Variants in DISC1 observed in about 807,000 individuals in gnomAD.
DISC1 encodes the protein DISC1 scaffold protein.
DISC1 carries 57 observed loss-of-function variants against 84.5 expected under a neutral mutation model. The observed-to-expected ratio is 0.67, with a 90% CI of 0.55 to 0.84. DISC1 has a LOEUF of 0.84. Among genes scored for constraint, DISC1 ranks in the 40% least tolerant of loss-of-function variants. The pLI, the probability that DISC1 is intolerant of heterozygous loss-of-function variation, is 0.00. For missense variants in DISC1, 1,000 were observed against 1,057.8 expected (o/e 0.95, Z 0.76); for synonymous variants, 411 against 415.2 (o/e 0.99, Z 0.12).
At chr1:231,722,862 CT>C in intron 3 of DISC1, 2 of 1,400,950 alleles carry the variant, frequency 1.4e-6, no homozygotes, top group Non-Finnish European at 1.9e-6. Context: ...TCCCAGTCCC[CT>C]GTCATGGCAT....
At chr1:231,986,134 AG>A (rs780174934) in intron 10 of DISC1, among the ~76,000 whole-genome samples, 5 of 152,194 alleles carry the variant, frequency 3.3e-5, no homozygotes, top group Non-Finnish European at 7.3e-5. Flanking sequence ...ATGCATAAAA[AG>A]TGCCTCGTAC....
chr1:231,919,539 G>C (rs148151861), intron 9 of DISC1, among the ~76,000 whole-genome samples: 6 of 152,358 alleles, frequency 3.9e-5, no homozygotes, highest in African/African-American at 1.4e-4. Flanking sequence ...GAACTTTGCT[G>C]TGGGGATTTG....
At chr1:232,000,124 C>T (rs1054360068) in intron 10 of DISC1, among the ~76,000 whole-genome samples, 9 of 151,980 alleles carry the variant, frequency 5.9e-5, no homozygotes, top group South Asian at 2.1e-4. Context: ...GAGAATCAAC[C>T]GATACCAGCG....
At chr1:231,702,805 T>C (rs537694649) in intron 3 of DISC1, 7 of 159,824 alleles carry the variant, frequency 4.4e-5, no homozygotes, top group African/African-American at 1.7e-4. Flanking sequence ...AAACTTTAGA[T>C]GCTCATTGCA....
chr1:231,896,704 A>G (rs1230915980), intron 9 of DISC1, among the ~76,000 whole-genome samples: 2 of 152,200 alleles, frequency 1.3e-5, no homozygotes, highest in African/African-American at 4.8e-5. Flanking sequence ...ATGTTTTCTT[A>G]GACTGTCTGA....
chr1:231,799,827 T>A (rs908540394), intron 7 of DISC1, among the ~76,000 whole-genome samples: 6 of 128,706 alleles, frequency 4.7e-5, no homozygotes, highest in Admixed American at 4.0e-4. Flanking sequence ...TACATTTCCC[T>A]CCCTCTTTCC....
chr1:231,804,123 G>A (rs535118443), intron 8 of DISC1, among the ~76,000 whole-genome samples: 4 of 152,064 alleles, frequency 2.6e-5, no homozygotes, highest in Non-Finnish European at 5.9e-5. Context: ...TAAAGAATTT[G>A]GTGGGCATAT....
At chr1:231,657,424 G>A (rs1029138901) in intron 1 of DISC1, among the ~76,000 whole-genome samples, 4 of 152,006 alleles carry the variant, frequency 2.6e-5, no homozygotes, top group Non-Finnish European at 5.9e-5. Flanking sequence ...CTGGATGTAT[G>A]TCTTCTTTTG....
intron 3 of DISC1, among the ~76,000 whole-genome samples, chr1:231,710,266 T>C (rs978858744): frequency 3.3e-5 from 5 of 152,100 alleles, no homozygotes; most frequent in Admixed American, 1.3e-4. Flanking sequence ...TGTTTTAGCT[T>C]GGGAGGCCGA....
At chr1:231,747,369 T>A (rs1186706823) in intron 3 of DISC1, among the ~76,000 whole-genome samples, 2 of 152,222 alleles carry the variant, frequency 1.3e-5, no homozygotes, top group African/African-American at 2.4e-5. Context: ...TGTTTTCTTC[T>A]CATAATTTTA....
chr1:231,827,731 G>A (rs2081960458), intron 9 of DISC1, among the ~76,000 whole-genome samples: 1 of 152,158 alleles, frequency 6.6e-6, no homozygotes, highest in African/African-American at 2.4e-5. Flanking sequence ...TTATGTTTTG[G>A]ACTTGGGGAT....
intron 6 of DISC1, among the ~76,000 whole-genome samples, chr1:231,781,174 A>AG (rs1268370550): frequency 2.2e-5 from 3 of 133,392 alleles, no homozygotes; most frequent in East Asian, 4.2e-4. Context: ...AAAAAAAAAA[A>AG]AAGAAATGCA....
At chr1:231,784,705 T>G (rs774571764) in intron 6 of DISC1, among the ~76,000 whole-genome samples, 3 of 152,186 alleles carry the variant, frequency 2.0e-5, no homozygotes, top group Non-Finnish European at 4.4e-5. Context: ...AGCTAGTTGG[T>G]GAGCACGAAG....
chr1:231,656,443 T>C (rs1276916667), intron 1 of DISC1, among the ~76,000 whole-genome samples: 1 of 152,238 alleles, frequency 6.6e-6, no homozygotes, highest in East Asian at 1.9e-4. Flanking sequence ...TATTTGTCTA[T>C]GTATCTACTT....
At chr1:231,697,233 G>T (rs199541407) in intron 2 of DISC1, among the ~76,000 whole-genome samples, 24 of 152,192 alleles carry the variant, frequency 1.6e-4, no homozygotes, top group Non-Finnish European at 3.2e-4. Flanking sequence ...GTGTTTGGGG[G>T]CCTTATTGAT....
chr1:231,824,897 TCCATCCATCCATCCAC>T (rs1015900798), intron 9 of DISC1, among the ~76,000 whole-genome samples: 4 of 144,080 alleles, frequency 2.8e-5, no homozygotes, highest in Admixed American at 6.7e-5. Context: ...CATCCATCCA[TCCATCCATCCATCCAC>T]CCATCCATCC....
chr1:232,035,192 G>T (rs531926380), intron 12 of DISC1, among the ~76,000 whole-genome samples: 1 of 152,192 alleles, frequency 6.6e-6, no homozygotes, highest in Non-Finnish European at 1.5e-5. Context: ...GCTCATGCCT[G>T]TAATCCCAGC....
At position 231,626,895 on chromosome 1, in the gene DISC1, C is replaced by G; in HGVS notation, c.28C>G (p.Pro10Ala). 1 of 1,500,930 alleles carries G rather than the reference C, an allele frequency of 6.7e-7. No homozygotes were observed. The highest frequency in any genetic ancestry group is 2.2e-5 in the Admixed American group (1 of 45,140). 93.0% of individuals were successfully genotyped at this position (1,500,930 alleles called of 1,614,324 possible). A position where few individuals can be genotyped will look rare whatever the true frequency, so the allele number is the denominator to read the frequency against. ...GCCAGGCGGGGGTCCTCAGGGCGCCCCAGCCGCCGCCGGCGGCGGCGGCGT... is the reference window on the plus strand; with the variant it reads ...GCCAGGCGGGGGTCCTCAGGGCGCCGCAGCCGCCGCCGGCGGCGGCGGCGT... Reference protein sequence around the residue: MPGGGPQGAPAAAGGGGVSH... With the variant: MPGGGPQGAAAAAGGGGVSH... Residue 10 changes from proline to alanine, a missense_variant, in exon 1 of 13, where the codon CCA becomes GCA. Around this residue, in one of 3 missense-constraint regions of DISC1, gnomAD observed 292 missense variants for 280.2 expected, o/e 1.04. Coordinates refer to ENST00000439617, the MANE Select transcript of DISC1 (RefSeq NM_018662.3).
chr1:231,958,232 T>C (rs963858346), intron 9 of DISC1, among the ~76,000 whole-genome samples: 1 of 152,258 alleles, frequency 6.6e-6, no homozygotes, highest in South Asian at 2.1e-4. Flanking sequence ...TTTGATCTGC[T>C]GAACCATAGC....
Sources: allele counts gnomAD v4.1 joint callset (sites outside exome capture counted in the v4.1 genomes callset), GRCh38; gene constraint gnomAD v4.1.1; regional missense constraint gnomAD v4.1.1; transcripts MANE v1.5; gene names NCBI Gene and HGNC (gene_info 2026-07-23, HGNC 2026-07-21).